Variants in RALYL observed in about 807,000 individuals in gnomAD.
RALYL encodes RALY RNA binding protein like.
In RALYL, 29 loss-of-function variants were observed where a neutral mutation model predicts 35.1. The observed-to-expected ratio is 0.83, with a 90% confidence interval of 0.61 to 1.13. The LOEUF is 1.13. Among genes scored for constraint, RALYL ranks in the 50% most tolerant of loss-of-function variants. RALYL has a pLI of 0.00. For synonymous variants in RALYL, 120 were observed against 127.6 expected (o/e 0.94, Z 0.40); for missense variants, 359 against 360.4 (o/e 1.00, Z 0.03).
chr8:84,608,788 G>T (rs545857861), intron 2 of RALYL, among the ~76,000 whole-genome samples: 1 of 152,226 alleles, frequency 6.6e-6, no homozygotes, highest in African/African-American at 2.4e-5. Flanking sequence ...TTAGGACCCA[G>T]ATCTGCCACG....
chr8:84,219,957 G>A (rs1199464901), intron 1 of RALYL, among the ~76,000 whole-genome samples: 2 of 152,008 alleles, frequency 1.3e-5, no homozygotes, highest in Non-Finnish European at 2.9e-5. Flanking sequence ...GAAGAAAATT[G>A]AGTCCTTTAT....
intron 3 of RALYL, among the ~76,000 whole-genome samples, chr8:84,800,645 A>T (rs1823018999): frequency 1.5e-5 from 1 of 67,134 alleles, no homozygotes; most frequent in Admixed American, 2.0e-4. Flanking sequence ...TAGGAAAGAT[A>T]AAAAAAATTC....
chr8:84,496,117 G>T (rs1360042872), intron 1 of RALYL, among the ~76,000 whole-genome samples: 1 of 151,968 alleles, frequency 6.6e-6, no homozygotes, highest in Non-Finnish European at 1.5e-5. Context: ...CTTTGTTCAT[G>T]GTATCCTAGA....
chr8:84,580,024 T>A (rs531293239), intron 2 of RALYL, among the ~76,000 whole-genome samples: 53 of 152,282 alleles, frequency 3.5e-4, no homozygotes, highest in African/African-American at 1.2e-3. Flanking sequence ...AATGTAAAAT[T>A]ATTGAGATAA....
At chr8:84,508,996 A>T (rs945635310) in intron 1 of RALYL, among the ~76,000 whole-genome samples, 2 of 152,182 alleles carry the variant, frequency 1.3e-5, no homozygotes, top group Non-Finnish European at 2.9e-5. Flanking sequence ...GATTCCAAAA[A>T]TATTTTTCTG....
At chr8:84,303,490 A>G (rs1220035384) in intron 1 of RALYL, among the ~76,000 whole-genome samples, 1 of 152,194 alleles carries the variant, frequency 6.6e-6, no homozygotes. Flanking sequence ...CGTGCTTATC[A>G]GAGGTACTAT....
chr8:84,463,779 T>G (rs1290990864), intron 1 of RALYL, among the ~76,000 whole-genome samples: 1 of 152,108 alleles, frequency 6.6e-6, no homozygotes, highest in African/African-American at 2.4e-5. Flanking sequence ...TTTACATACC[T>G]TAAAAAATCA....
At chr8:84,333,535 A>G (rs1408201808) in intron 1 of RALYL, among the ~76,000 whole-genome samples, 1 of 151,978 alleles carries the variant, frequency 6.6e-6, no homozygotes, top group African/African-American at 2.4e-5. Context: ...CCCATTGCTC[A>G]CTCCCAGTTC....
intron 1 of RALYL, among the ~76,000 whole-genome samples, chr8:84,522,009 A>G (rs1027972509): frequency 1.3e-5 from 2 of 152,078 alleles, no homozygotes; most frequent in African/African-American, 4.8e-5. Context: ...TTTCATTTTT[A>G]TGTTGCTTAC....
At chr8:84,258,434 T>C (rs1020855469) in intron 1 of RALYL, among the ~76,000 whole-genome samples, 3 of 152,268 alleles carry the variant, frequency 2.0e-5, no homozygotes, top group East Asian at 3.9e-4. Context: ...AAGCCACACT[T>C]TAAAGTGCTT....
chr8:84,690,985 A>T (rs925621317), intron 2 of RALYL, among the ~76,000 whole-genome samples: 2 of 152,120 alleles, frequency 1.3e-5, no homozygotes, highest in African/African-American at 2.4e-5. Context: ...TGGAATTGCT[A>T]ATTTTTTATC....
chr8:84,841,618 C>T (rs1330249240), intron 4 of RALYL, among the ~76,000 whole-genome samples: 1 of 152,140 alleles, frequency 6.6e-6, no homozygotes, highest in African/African-American at 2.4e-5. Flanking sequence ...CCAAGAGGAC[C>T]TAATAGACAT....
At chr8:84,218,069 A>G (rs2131267295) in intron 1 of RALYL, among the ~76,000 whole-genome samples, 1 of 151,420 alleles carries the variant, frequency 6.6e-6, no homozygotes, top group Middle Eastern at 3.4e-3. Flanking sequence ...AAAAATATAA[A>G]GTCTTTAGAA....
intron 1 of RALYL, among the ~76,000 whole-genome samples, chr8:84,457,366 G>A (rs1308777474): frequency 6.6e-6 from 1 of 151,876 alleles, no homozygotes; most frequent in Non-Finnish European, 1.5e-5. Context: ...TGATGGCAGA[G>A]TGTCTTTCAT....
chr8:84,792,957 A>G (rs1408839356), intron 3 of RALYL, among the ~76,000 whole-genome samples: 1 of 152,220 alleles, frequency 6.6e-6, no homozygotes, highest in Non-Finnish European at 1.5e-5. Context: ...GATGATAGCC[A>G]GACTGTCTAC....
At chr8:84,694,475 A>G (rs563434654) in intron 2 of RALYL, among the ~76,000 whole-genome samples, 2 of 152,062 alleles carry the variant, frequency 1.3e-5, no homozygotes, top group African/African-American at 4.8e-5. Context: ...ACAAATAAGT[A>G]GAAAAATGCC....
chr8:84,785,871 G>A (rs1301172273), intron 3 of RALYL, among the ~76,000 whole-genome samples: 1 of 152,180 alleles, frequency 6.6e-6, no homozygotes, highest in Non-Finnish European at 1.5e-5. Context: ...GGACGTGCAG[G>A]TTTGTTACAT....
At chr8:84,247,667 C>T (rs1829386458) in intron 1 of RALYL, among the ~76,000 whole-genome samples, 1 of 151,906 alleles carries the variant, frequency 6.6e-6, no homozygotes, top group Non-Finnish European at 1.5e-5. Context: ...AAATTCTATT[C>T]TAAAAAGAAT....
chr8:84,768,838 T>C (rs1027553911), intron 2 of RALYL, among the ~76,000 whole-genome samples: 2 of 152,242 alleles, frequency 1.3e-5, no homozygotes, highest in East Asian at 1.9e-4. Flanking sequence ...AGTATTTTCT[T>C]TGGCATTTTT....
Sources: gnomAD v4.1 joint callset for allele counts (sites outside exome capture counted in the v4.1 genomes callset) on GRCh38, gnomAD v4.1.1 for gene constraint, MANE v1.5 for transcripts, NCBI Gene and HGNC (gene_info 2026-07-23, HGNC 2026-07-21) for gene names.